The following CHCHD3 variants were observed in gnomAD, a reference collection of about 807,000 sequenced individuals.
CHCHD3 encodes coiled-coil-helix-coiled-coil-helix domain containing 3, also known as MICOS complex subunit MIC19.
In CHCHD3, 20 loss-of-function variants were observed where a neutral mutation model predicts 38.2. The ratio of observed to expected loss-of-function variants is 0.52; its 90% confidence interval spans 0.37 to 0.76. CHCHD3 has a LOEUF of 0.76. Ranked by LOEUF, CHCHD3 falls within the 30% of genes least tolerant of loss-of-function variation. CHCHD3 has a pLI of 0.00. For synonymous variants in CHCHD3, 82 were observed against 100.0 expected (o/e 0.82, Z 1.07); for missense variants, 245 against 279.2 (o/e 0.88, Z 0.87).
At chr7:132,833,866 AC>A (rs1360203128) in intron 6 of CHCHD3, among the ~76,000 whole-genome samples, 1 of 152,054 alleles carries the variant, frequency 6.6e-6, no homozygotes, top group Non-Finnish European at 1.5e-5. Context: ...GATTTGTATG[AC>A]CCCTGATCAG....
chr7:133,062,369 A>G (rs921866919), intron 2 of CHCHD3, among the ~76,000 whole-genome samples: 1 of 152,236 alleles, frequency 6.6e-6, no homozygotes, highest in African/African-American at 2.4e-5. Context: ...ATTGCTAAGT[A>G]TATGTCCTAT....
chr7:132,924,019 A>G (rs1359196592), intron 4 of CHCHD3, among the ~76,000 whole-genome samples: 1 of 152,222 alleles, frequency 6.6e-6, no homozygotes, highest in East Asian at 1.9e-4. Context: ...TCATCAGAAC[A>G]ATAAGAATAA....
chr7:133,067,811 G>A (rs183475204), intron 2 of CHCHD3, among the ~76,000 whole-genome samples: 14 of 152,088 alleles, frequency 9.2e-5, no homozygotes, highest in Admixed American at 9.2e-4. Flanking sequence ...TCCTATTTTT[G>A]CATCTTTTCA....
At chr7:132,811,755 T>A (rs1807076095) in intron 6 of CHCHD3, among the ~76,000 whole-genome samples, 2 of 152,174 alleles carry the variant, frequency 1.3e-5, no homozygotes, top group Admixed American at 6.5e-5. Flanking sequence ...ACTCTCCTGT[T>A]TTTCCTCCCG....
At chr7:132,905,258 TA>T (rs1159306257) in intron 4 of CHCHD3, among the ~76,000 whole-genome samples, 1 of 151,782 alleles carries the variant, frequency 6.6e-6, no homozygotes, top group African/African-American at 2.4e-5. Context: ...AATACTAATT[TA>T]AAAAAGCCAT....
chr7:132,913,686 G>A lies in CHCHD3; in HGVS notation c.370-27941C>T, dbSNP rs138750584. ...CATGTCCAGGATGAACAAGTGTGGA[G>A]AATGAATGATAGCGGAATCTGCACA... On this transcript the variant is annotated intron_variant, in intron 4 of 7. Coordinates refer to ENST00000262570, the MANE Select transcript of CHCHD3 (RefSeq NM_017812.4). Among the ~76,000 whole-genome samples the A allele has an allele frequency of 1.9e-4, 29 of 152,310 alleles. No individual in the cohort carries two copies. The East Asian group carries it at 5.4e-3, about 28-fold the overall frequency.
chr7:132,860,945 C>T (rs1347501535), intron 5 of CHCHD3, among the ~76,000 whole-genome samples: 1 of 152,160 alleles, frequency 6.6e-6, no homozygotes, highest in African/African-American at 2.4e-5. Context: ...TCTTAAAAAA[C>T]CATAGCTCTT....
At chr7:132,917,947 T>C (rs772364846) in intron 4 of CHCHD3, among the ~76,000 whole-genome samples, 8 of 146,128 alleles carry the variant, frequency 5.5e-5, no homozygotes, top group Non-Finnish European at 1.2e-4. Context: ...GTAAAAACAA[T>C]ATATCCATTC....
chr7:132,901,011 A>AG (rs1372063072), intron 4 of CHCHD3, among the ~76,000 whole-genome samples: 2 of 152,182 alleles, frequency 1.3e-5, no homozygotes, highest in African/African-American at 4.8e-5. Flanking sequence ...AAACAGAGAG[A>AG]GAAAAAAAGA....
intron 6 of CHCHD3, among the ~76,000 whole-genome samples, chr7:132,802,914 C>T (rs577722308): frequency 1.6e-4 from 25 of 152,176 alleles, no homozygotes; most frequent in Admixed American, 3.3e-4. Flanking sequence ...ATTGCGCTTT[C>T]GTCTGGGTGG....
At chr7:132,889,390 T>G (rs1009489676) in intron 4 of CHCHD3, among the ~76,000 whole-genome samples, 6 of 152,054 alleles carry the variant, frequency 3.9e-5, no homozygotes, top group Non-Finnish European at 8.8e-5. Flanking sequence ...ACTAAGAGAA[T>G]TCAACACTTG....
intron 2 of CHCHD3, among the ~76,000 whole-genome samples, chr7:133,057,526 C>T (rs1814378318): frequency 6.6e-6 from 1 of 152,018 alleles, no homozygotes; most frequent in African/African-American, 2.4e-5. Context: ...CATACCATAG[C>T]ACTCCAGCTA....
At chr7:132,896,667 T>G (rs1585614874) in intron 4 of CHCHD3, among the ~76,000 whole-genome samples, 1 of 152,360 alleles carries the variant, frequency 6.6e-6, no homozygotes, top group East Asian at 1.9e-4. Context: ...TTATCTTCTC[T>G]AATGACAATG....
At chr7:132,901,903 G>A (rs1274433452) in intron 4 of CHCHD3, among the ~76,000 whole-genome samples, 1 of 152,168 alleles carries the variant, frequency 6.6e-6, no homozygotes, top group East Asian at 1.9e-4. Flanking sequence ...GCCTATTCCT[G>A]AATGGTATTG....
intron 4 of CHCHD3, among the ~76,000 whole-genome samples, chr7:132,936,251 C>T (rs1810630436): frequency 6.6e-6 from 1 of 152,108 alleles, no homozygotes; most frequent in Non-Finnish European, 1.5e-5. Flanking sequence ...GCTTATTTTC[C>T]ATTATTTCAA....
At chr7:133,076,483 C>G (rs745520005) in intron 1 of CHCHD3, among the ~76,000 whole-genome samples, 2 of 152,206 alleles carry the variant, frequency 1.3e-5, no homozygotes, top group African/African-American at 4.8e-5. Context: ...GCCCACTGAA[C>G]TTGACTGTCC....
chr7:133,063,639 G>A (rs1052336102), intron 2 of CHCHD3, among the ~76,000 whole-genome samples: 1 of 152,042 alleles, frequency 6.6e-6, no homozygotes, highest in East Asian at 1.9e-4. Context: ...CTTACCACTC[G>A]GATTTGTTTA....
intron 3 of CHCHD3, among the ~76,000 whole-genome samples, chr7:133,022,856 G>C (rs199501417): frequency 1.1e-5 from 1 of 92,012 alleles, no homozygotes; most frequent in South Asian, 4.3e-4. Context: ...TGAAGAAGAA[G>C]AAAAAAAAAA....
chr7:133,037,760 C>T (rs1813719419), intron 2 of CHCHD3, among the ~76,000 whole-genome samples: 1 of 152,110 alleles, frequency 6.6e-6, no homozygotes, highest in African/African-American at 2.4e-5. Flanking sequence ...TCGCAGTGAG[C>T]CGAGAACACG....
Sources: gnomAD v4.1 joint callset for allele counts (sites outside exome capture counted in the v4.1 genomes callset) on GRCh38, gnomAD v4.1.1 for gene constraint, MANE v1.5 for transcripts, NCBI Gene and HGNC (gene_info 2026-07-23, HGNC 2026-07-21) for gene names.